The following FAM151B variants were observed in gnomAD, a reference collection of about 807,000 sequenced individuals.
FAM151B encodes protein FAM151B.
In FAM151B, 24 loss-of-function variants were observed where a neutral mutation model predicts 31.2. The ratio of observed to expected loss-of-function variants is 0.77; its 90% confidence interval spans 0.56 to 1.08. The LOEUF is 1.08. FAM151B is among the 50% of genes least tolerant of loss of function. The pLI is 0.00. For missense variants in FAM151B, 293 were observed against 328.6 expected (o/e 0.89, Z 0.84); for synonymous variants, 105 against 111.4 (o/e 0.94, Z 0.36).
At chr5:80,526,655 T>G (rs891894917) in intron 5 of FAM151B, among the ~76,000 whole-genome samples, 2 of 152,134 alleles carry the variant, frequency 1.3e-5, no homozygotes, top group Non-Finnish European at 2.9e-5. Context: ...TTCTTGAGTT[T>G]TCTAAGCAAA....
chr5:80,538,463 TTTC>T, intron 5 of FAM151B, among the ~76,000 whole-genome samples: 1 of 115,330 alleles, frequency 8.7e-6, no homozygotes, highest in Middle Eastern at 4.0e-3. Flanking sequence ...TCTTTCTTTC[TTTC>T]TTTCTTTCTT....
rs1235874356 is a variant in FAM151B at position 80,538,448 on chromosome 5, C to CTTTCTTTCTTTCTTTCTCTT, written c.672-3224_672-3223insTTCTTTCTTTCTTTCTCTTT. ...TCTTTCTTTCTTTCTTTCTTTCTTT[C>CTTTCTTTCTTTCTTTCTCTT]TCTTTCTTTCTTTCTTTCTTTCTTT... On this transcript the variant is annotated intron_variant, in intron 5 of 5. Coordinates refer to ENST00000282226, the MANE Select transcript of FAM151B (RefSeq NM_205548.3). 8.1e-5 allele frequency among the ~76,000 whole-genome samples: 4 copies of CTTTCTTTCTTTCTTTCTCTT among 49,360 alleles called. 1 individual carries two copies. The East Asian group carries it at 1.9e-3, about 23-fold the overall frequency. The allele number at this position is 49,360 out of a possible 152,430, so 32.4% of individuals were successfully genotyped here.
At chr5:80,505,857 C>T (rs182913873) in intron 2 of FAM151B, 577 of 147,098 alleles carry the variant, frequency 3.9e-3, no homozygotes, top group Non-Finnish European at 6.4e-3. Flanking sequence ...CCTGTATTCA[C>T]GTGATTCTCC....
intron 1 of FAM151B, among the ~76,000 whole-genome samples, chr5:80,494,444 TTTCTTTCTTTC>T (rs1743430722): frequency 2.9e-5 from 1 of 34,738 alleles, no homozygotes; most frequent in African/African-American, 5.7e-5. Context: ...TTTCTTTCTT[TTTCTTTCTTTC>T]TTTTCTTTCT....
intron 1 of FAM151B, among the ~76,000 whole-genome samples, chr5:80,489,013 A>G (rs1430375510): frequency 1.3e-5 from 2 of 152,182 alleles, no homozygotes; most frequent in African/African-American, 4.8e-5. Context: ...CTGACTCTTA[A>G]AAATAGAGTT....
At chr5:80,503,076 G>A (rs189822397) in intron 2 of FAM151B, among the ~76,000 whole-genome samples, 2 of 152,034 alleles carry the variant, frequency 1.3e-5, no homozygotes, top group Non-Finnish European at 2.9e-5. Context: ...TTCTGAATAC[G>A]CTAAATAAAA....
Position 80,500,901 on chromosome 5 carries a change from T to A in FAM151B, c.26-891T>A, listed in dbSNP as rs1743716156. On this transcript the variant is annotated intron_variant, in intron 1 of 5. Transcript: ENST00000282226. The stretch of plus-strand genomic sequence containing the variant: ...GCATCCTCTGCATGGAGGATCTGAT[T>A]CATGAGATCTATACTGTTGGAAAAC... 3 of 787,834 alleles carry A rather than the reference T, an allele frequency of 3.8e-6. No homozygotes were observed. The East Asian group carries it at 7.3e-5, about 19-fold the overall frequency. The allele number at this position is 787,834 out of a possible 1,614,324, so 48.8% of individuals were successfully genotyped here.
chr5:80,537,928 C>A (rs182373119), intron 5 of FAM151B, among the ~76,000 whole-genome samples: 21 of 152,086 alleles, frequency 1.4e-4, no homozygotes, highest in South Asian at 2.1e-4. Context: ...TAAAGACTTA[C>A]ACTGTGAAAA....
At chr5:80,530,456 G>A (rs1745182273) in intron 5 of FAM151B, among the ~76,000 whole-genome samples, 1 of 152,152 alleles carries the variant, frequency 6.6e-6, no homozygotes, top group Non-Finnish European at 1.5e-5. Flanking sequence ...GTCCCTGTTT[G>A]CAGATGACAT....
chr5:80,533,146 C>T (rs763001352), intron 5 of FAM151B, among the ~76,000 whole-genome samples: 20 of 149,934 alleles, frequency 1.3e-4, no homozygotes, highest in African/African-American at 3.7e-4. Flanking sequence ...GGGAGGCTGA[C>T]GCGGGTGGAT....
At chr5:80,515,818 A>G (rs1744417989) in intron 3 of FAM151B, among the ~76,000 whole-genome samples, 1 of 152,110 alleles carries the variant, frequency 6.6e-6, no homozygotes, top group Non-Finnish European at 1.5e-5. Context: ...CATTTTCCGG[A>G]TGAGGCAATG....
intron 5 of FAM151B, among the ~76,000 whole-genome samples, chr5:80,534,233 G>C (rs1200182916): frequency 6.6e-6 from 1 of 151,934 alleles, no homozygotes; most frequent in Non-Finnish European, 1.5e-5. Flanking sequence ...TAGAGGAGGA[G>C]GGAATACTTC....
chr5:80,517,562 G>A (rs1744510682), intron 3 of FAM151B, among the ~76,000 whole-genome samples: 1 of 34,136 alleles, frequency 2.9e-5, no homozygotes, highest in Admixed American at 2.4e-4. Context: ...TTTAACCGCA[G>A]ATTTTAAGTT....
At chr5:80,540,469 A>T (rs1029048443) in intron 5 of FAM151B, among the ~76,000 whole-genome samples, 33 of 152,224 alleles carry the variant, frequency 2.2e-4, no homozygotes, top group African/African-American at 7.7e-4. Flanking sequence ...TTGAGAATTT[A>T]TATCAATGAA....
In FAM151B at chr5:80,522,698, G is replaced by T. The variant is rs1580443187; in HGVS notation, c.671+560G>T. Among the ~76,000 whole-genome samples the T allele has an allele frequency of 2.6e-5, 4 of 152,166 alleles. No individual in the cohort carries two copies. The South Asian group carries it at 8.3e-4, about 32-fold the overall frequency. ...CATCGCTTGAAACTGGGAGGCCGAG[G>T]CTTCAGTGAGCCAAGATCATACAAC... On this transcript the variant is annotated intron_variant, in intron 5 of 5. Transcript: ENST00000282226.
At chr5:80,493,234 C>T (rs1743387371) in intron 1 of FAM151B, among the ~76,000 whole-genome samples, 1 of 152,190 alleles carries the variant, frequency 6.6e-6, no homozygotes, top group South Asian at 2.1e-4. Context: ...ATTTCATGGA[C>T]ATTTATCACT....
chr5:80,540,560 A>G (rs1745832463), intron 5 of FAM151B, among the ~76,000 whole-genome samples: 1 of 152,146 alleles, frequency 6.6e-6, no homozygotes, highest in South Asian at 2.1e-4. Flanking sequence ...AATACAATGA[A>G]GTGAATATTA....
rs564053634 is a variant in FAM151B, at chr5:80,519,781, C to T, written c.406C>T (p.Pro136Ser). Residue 136 changes from proline to serine, a missense_variant, in exon 4 of 6, where the codon CCT becomes TCT. Pro to Ser is a moderately conservative substitution (Grantham distance 74, BLOSUM62 -1). Coordinates refer to ENST00000282226, the MANE Select transcript of FAM151B (RefSeq NM_205548.3). The stretch of plus-strand genomic sequence containing the variant: ...TGTATGGATTAATGCCGATATTCTT[C>T]CTGGTCCAAATGGAAATAGCAAAGT... Reference protein sequence around the residue: ...RPVWINADILPGPNGNSKVID... With the variant: ...RPVWINADILSGPNGNSKVID... 3 of 1,614,018 alleles carry T rather than the reference C, an allele frequency of 1.9e-6. No homozygotes were observed. The highest frequency in any genetic ancestry group is 2.2e-5 in the East Asian group (1 of 44,884).
intron 5 of FAM151B, among the ~76,000 whole-genome samples, chr5:80,524,443 T>C (rs1476434111): frequency 2.0e-5 from 3 of 152,168 alleles, no homozygotes; most frequent in African/African-American, 7.2e-5. Flanking sequence ...TTATCTTGTG[T>C]AACTGCAAGT....
Sources: gnomAD v4.1 joint callset for allele counts (sites outside exome capture counted in the v4.1 genomes callset) on GRCh38, gnomAD v4.1.1 for gene constraint, MANE v1.5 for transcripts, NCBI Gene and HGNC (gene_info 2026-07-23, HGNC 2026-07-21) for gene names.